GPR15: variants seen among roughly 807,000 people sequenced by gnomAD.
The protein encoded by GPR15 is brother of Bonzo.
Under a neutral mutation model 19.3 loss-of-function variants are expected in GPR15, and 16 were observed. The observed-to-expected ratio is 0.83, with a 90% confidence interval of 0.56 to 1.26. The LOEUF is 1.26. GPR15 is among the 50% of genes most tolerant of loss of function. The probability of loss-of-function intolerance (pLI) is 0.00; values close to 1 mark genes in which losing one functional copy is unlikely to be tolerated. For synonymous variants in GPR15, 170 were observed against 171.2 expected, an observed-to-expected ratio of 0.99 and a Z score of 0.05; for missense variants, 458 against 429.4, an observed-to-expected ratio of 1.07 and a Z score of -0.59.
rs1202608276 is a variant in GPR15, at chr3:98,533,626, G to T, written c.*510G>T. Among the ~76,000 whole-genome samples the T allele has an allele frequency of 2.6e-5, 4 of 152,138 alleles. No homozygotes were observed. Among genetic ancestry groups the T allele is most frequent in the African/African-American group, 7.2e-5 (3 of 41,430 alleles). ...TTTCTGAGTTACTAAGCTAGATTCTGACCTCAATCTTTAAAGCTTTGTATC... is the reference window on the plus strand; with the variant it reads ...TTTCTGAGTTACTAAGCTAGATTCTTACCTCAATCTTTAAAGCTTTGTATC... On this transcript the variant is annotated 3_prime_UTR_variant, in exon 1 of 1. Coordinates refer to ENST00000284311, the MANE Select transcript of GPR15 (RefSeq NM_005290.4).
At position 98,532,537 on chromosome 3, in the gene GPR15, T is replaced by C. The variant is rs1259372588; in HGVS notation, c.504T>C (p.Thr168=). 1 of 1,614,202 alleles carries C rather than the reference T, an allele frequency of 6.2e-7. No individual in the cohort carries two copies. Among genetic ancestry groups the C allele is most frequent in the Non-Finnish European group, 8.5e-7 (1 of 1,180,040 alleles). Residue 168 remains threonine (T), a synonymous_variant, in exon 1 of 1, where the codon ACT becomes ACC. Coordinates refer to ENST00000284311, the MANE Select transcript of GPR15 (RefSeq NM_005290.4). ...TCTCCTGCCTGCTGGGGTTGCCTAC[T>C]CTTCTGTCCAGGGAGCTCACGCTGA... is the stretch of plus-strand genomic sequence containing the variant. ...WFISCLLGLP[T]LLSRELTLID...
At position 98,533,211 on chromosome 3, in the gene GPR15, C is replaced by A; in HGVS notation, c.*95C>A. On this transcript the variant is annotated 3_prime_UTR_variant, in exon 1 of 1. Coordinates refer to ENST00000284311, the MANE Select transcript of GPR15 (RefSeq NM_005290.4). ...AGTGTTAATGATAGGATTCACATTG[C>A]TTCATAGATGCAAGGAAGAGTTCAT... The A allele has an allele frequency of 7.7e-7, 1 of 1,299,628 alleles. No homozygotes were observed. Among genetic ancestry groups the A allele is most frequent in the Non-Finnish European group, 1.0e-6 (1 of 956,290 alleles). 80.5% of individuals were successfully genotyped at this position (1,299,628 alleles called of 1,614,324 possible). A position where few individuals can be genotyped will look rare whatever the true frequency, so the allele number is the denominator to read the frequency against.
In GPR15 at chr3:98,532,219, C is replaced by T. The variant is rs1367959322; in HGVS notation, c.186C>T (p.Pro62=). The change falls in exon 1 of 1, where the codon CCC becomes CCT. Residue 62 remains proline, a synonymous_variant. Transcript: ENST00000284311. Reference sequence around the variant, plus strand: ...TCATGGGAGCGTTGCATTTCAAACCCGGCAGCCGAAGACTGATCGACATCT... The same window carrying T: ...TCATGGGAGCGTTGCATTTCAAACCTGGCAGCCGAAGACTGATCGACATCT... ...LVLMGALHFK[P]GSRRLIDIFI... 38 of 1,614,028 alleles carry T rather than the reference C, an allele frequency of 2.4e-5. No individual in the cohort carries two copies. Among genetic ancestry groups the T allele is most frequent in the Admixed American group, 1.3e-4 (8 of 59,996 alleles).
chr3:98,532,170 C>G lies in GPR15; in HGVS notation c.137C>G (p.Thr46Ser). Residue 46 changes from threonine to serine, a missense_variant, in exon 1 of 1, where the codon ACT becomes AGT. Physicochemically the swap from Thr to Ser is moderately conservative, Grantham distance 58. Coordinates refer to ENST00000284311, the MANE Select transcript of GPR15 (RefSeq NM_005290.4). ...GTCTTTTACACAGCTGTGTTCCTGACTGGAGTGCTGGGGAACCTTGTTCTC... is the reference window on the plus strand; with the variant it reads ...GTCTTTTACACAGCTGTGTTCCTGAGTGGAGTGCTGGGGAACCTTGTTCTC... ...LPVFYTAVFL[T>S]GVLGNLVLMG... 1 of 1,614,192 alleles carries G rather than the reference C, an allele frequency of 6.2e-7. No homozygotes were observed. The highest frequency in any genetic ancestry group is 8.5e-7 in the Non-Finnish European group (1 of 1,180,038).
Position 98,532,596 on chromosome 3 carries a change from C to T in GPR15, c.563C>T (p.Ala188Val). Residue 188 changes from alanine (A) to valine (V), a missense_variant, in exon 1 of 1, where the codon GCA (alanine) becomes GTA (valine). Physicochemically the swap from Ala to Val is moderately conservative, Grantham distance 64 (BLOSUM62 0). Coordinates refer to ENST00000284311, the MANE Select transcript of GPR15 (RefSeq NM_005290.4). The stretch of plus-strand genomic sequence containing the variant: ...AAGCCATACTGTGCAGAGAAAAAGG[C>T]AACTCCAATTAAACTCATATGGTCC... Reference protein sequence around the residue: ...DDKPYCAEKKATPIKLIWSLV... With the variant: ...DDKPYCAEKKVTPIKLIWSLV... 6.2e-7 allele frequency: 1 copy of T among 1,614,174 alleles called. No homozygotes were observed. The highest frequency in any genetic ancestry group is 1.3e-5 in the African/African-American group (1 of 75,032).
Position 98,533,809 on chromosome 3 carries a change from T to C in GPR15, c.*693T>C, listed in dbSNP as rs1576281963. On this transcript the variant is annotated 3_prime_UTR_variant, in exon 1 of 1. Coordinates refer to ENST00000284311, the MANE Select transcript of GPR15 (RefSeq NM_005290.4). The stretch of plus-strand genomic sequence containing the variant: ...TCTAGTATTTTAATACATAAGCATA[T>C]GGCAGGATTCAACATCTATTTGCTT... Among the ~76,000 whole-genome samples, 1 of 152,208 alleles carries C rather than the reference T, an allele frequency of 6.6e-6. No homozygotes were observed. Among genetic ancestry groups the C allele is most frequent in the Non-Finnish European group, 1.5e-5 (1 of 68,022 alleles).
In GPR15 at chr3:98,532,115, C is replaced by T; in HGVS notation, c.82C>T (p.His28Tyr). ...PNSDIRETHS[H>Y]VPYTSVFLPV... is the part of the protein sequence containing the mutation. ...CTCTGACATCAGGGAGACCCACTCC[C>T]ATGTTCCTTACACCTCTGTCTTCCT... Residue 28 changes from histidine (H) to tyrosine (Y), a missense_variant, in exon 1 of 1, where the codon CAT becomes TAT. Coordinates refer to ENST00000284311, the MANE Select transcript of GPR15 (RefSeq NM_005290.4). 6 of 1,614,158 alleles carry T rather than the reference C, an allele frequency of 3.7e-6. No homozygotes were observed. Among genetic ancestry groups the T allele is most frequent in the Non-Finnish European group, 5.1e-6 (6 of 1,180,006 alleles).
rs529663103 is a variant in GPR15 at position 98,534,520 on chromosome 3, T to C, written c.*1404T>C. Among the ~76,000 whole-genome samples the C allele has an allele frequency of 3.3e-5, 5 of 152,334 alleles. No individual in the cohort carries two copies. The highest frequency in any genetic ancestry group is 7.2e-5 in the African/African-American group (3 of 41,580). The stretch of plus-strand genomic sequence containing the variant: ...TCCTTTCAAAGACTAGCCAATTTAA[T>C]TTCATCTCATGTATCTTTCACATGA... On this transcript the variant is annotated 3_prime_UTR_variant, in exon 1 of 1. Transcript: ENST00000284311.
Position 98,532,351 on chromosome 3 carries a change from C to T in GPR15, c.318C>T (p.Cys106=). 1 of 1,614,160 alleles carries T rather than the reference C, an allele frequency of 6.2e-7. No individual in the cohort carries two copies. Among genetic ancestry groups the T allele is most frequent in the Non-Finnish European group, 8.5e-7 (1 of 1,180,030 alleles). ...TGTGGAGGACGGGCTCCTTCCTGTG[C>T]AAAGGGAGCTCCTACATGATCTCCG... ...LGLWRTGSFL[C]KGSSYMISVN... Residue 106 remains cysteine (C), a synonymous_variant, in exon 1 of 1, where the codon TGC becomes TGT. Coordinates refer to ENST00000284311, the MANE Select transcript of GPR15 (RefSeq NM_005290.4).
At position 98,534,104 on chromosome 3, in the gene GPR15, A is replaced by G. The variant is rs1037286595; in HGVS notation, c.*988A>G. ...AATGTTAGTGCTACACATTCCCTAT[A>G]GTATCATTTGCTTGGTGCCTATAAT... On this transcript the variant is annotated 3_prime_UTR_variant, in exon 1 of 1. Transcript: ENST00000284311. 2.6e-5 allele frequency among the ~76,000 whole-genome samples: 4 copies of G among 152,132 alleles called. No individual in the cohort carries two copies. The highest frequency in any genetic ancestry group is 7.2e-5 in the African/African-American group (3 of 41,408).
Position 98,532,726 on chromosome 3 carries a change from G to T in GPR15, c.693G>T (p.Lys231Asn). The stretch of plus-strand genomic sequence containing the variant: ...GTGCCCATTACCAGCAATCAGGAAA[G>T]CACAACAAAAAGCTGAAGAAATCTA... ...KLCAHYQQSGKHNKKLKKSIK... is the reference protein window; with the variant it reads ...KLCAHYQQSGNHNKKLKKSIK... Residue 231 changes from lysine (K) to asparagine (N), a missense_variant, in exon 1 of 1, where the codon AAG (lysine) becomes AAT (asparagine). Coordinates refer to ENST00000284311, the MANE Select transcript of GPR15 (RefSeq NM_005290.4). 2 of 1,613,986 alleles carry T rather than the reference G, an allele frequency of 1.2e-6. No individual in the cohort carries two copies. Among genetic ancestry groups the T allele is most frequent in the Non-Finnish European group, 8.5e-7 (1 of 1,179,922 alleles).
chr3:98,533,940 T>C lies in GPR15; in HGVS notation c.*824T>C, dbSNP rs535222123. Among the ~76,000 whole-genome samples the C allele has an allele frequency of 6.6e-6, 1 of 152,358 alleles. No homozygotes were observed. Among genetic ancestry groups the C allele is most frequent in the Admixed American group, 6.5e-5 (1 of 15,312 alleles). ...TTTCCATTGGCTTTATAAATTAGGA[T>C]TTGACTTTGCTTTAATTACATGTTT... On this transcript the variant is annotated 3_prime_UTR_variant, in exon 1 of 1. Coordinates refer to ENST00000284311, the MANE Select transcript of GPR15 (RefSeq NM_005290.4).
rs1239118380 is a variant in GPR15, at chr3:98,533,017, T to C, written c.984T>C (p.Ser328=). The C allele has an allele frequency of 6.2e-7, 1 of 1,613,880 alleles. No homozygotes were observed. Among genetic ancestry groups the C allele is most frequent in the African/African-American group, 1.3e-5 (1 of 74,942 alleles). Residue 328 remains serine (S), a synonymous_variant, in exon 1 of 1, where the codon AGT becomes AGC. Transcript: ENST00000284311. ...GCCTGAAAAACTATGACTTTGGGAG[T>C]AGCACTGAGACATCAGATAGTCACC... ...CPCLKNYDFG[S]STETSDSHLT... is the part of the protein sequence containing the mutation.
Position 98,533,126 on chromosome 3 carries a change from T to G in GPR15, c.*10T>G. 1.3e-6 allele frequency: 2 copies of G among 1,587,464 alleles called. No individual in the cohort carries two copies. Among genetic ancestry groups the G allele is most frequent in the Non-Finnish European group, 1.7e-6 (2 of 1,170,236 alleles). On this transcript the variant is annotated 3_prime_UTR_variant, in exon 1 of 1. Coordinates refer to ENST00000284311, the MANE Select transcript of GPR15 (RefSeq NM_005290.4). Reference sequence around the variant, plus strand: ...GTCTGTGTCACTCTAAAGGGAACTGTGACATTTCAAGCTCTGTTGGTGGGT... The same window carrying G: ...GTCTGTGTCACTCTAAAGGGAACTGGGACATTTCAAGCTCTGTTGGTGGGT...
At position 98,532,616 on chromosome 3, in the gene GPR15, T is replaced by G; in HGVS notation, c.583T>G (p.Trp195Gly). 1 of 1,614,224 alleles carries G rather than the reference T, an allele frequency of 6.2e-7. No individual in the cohort carries two copies. The highest frequency in any genetic ancestry group is 8.5e-7 in the Non-Finnish European group (1 of 1,180,046). The change falls in exon 1 of 1, where the codon TGG becomes GGG. Residue 195 changes from tryptophan to glycine, a missense_variant. Coordinates refer to ENST00000284311, the MANE Select transcript of GPR15 (RefSeq NM_005290.4). ...EKKATPIKLIWSLVALIFTFF... is the reference protein window; with the variant it reads ...EKKATPIKLIGSLVALIFTFF... ...AAAGGCAACTCCAATTAAACTCATATGGTCCCTGGTGGCCTTAATTTTCAC... is the reference window on the plus strand; with the variant it reads ...AAAGGCAACTCCAATTAAACTCATAGGGTCCCTGGTGGCCTTAATTTTCAC...
chr3:98,532,465 C>A lies in GPR15; in HGVS notation c.432C>A (p.Phe144Leu), dbSNP rs761210773. The change falls in exon 1 of 1, where the codon TTC becomes TTA. Residue 144 changes from phenylalanine to leucine, a missense_variant. Phe to Leu is a conservative substitution (Grantham distance 22). Coordinates refer to ENST00000284311, the MANE Select transcript of GPR15 (RefSeq NM_005290.4). ...AIVWPVVSRKFRRTDCAYVVC... is the reference protein window; with the variant it reads ...AIVWPVVSRKLRRTDCAYVVC... ...TGTGGCCAGTCGTATCCAGGAAATT[C>A]AGAAGGACAGACTGTGCATATGTAG... is the stretch of plus-strand genomic sequence containing the variant. 1 of 1,614,142 alleles carries A rather than the reference C, an allele frequency of 6.2e-7. No individual in the cohort carries two copies. Among genetic ancestry groups the A allele is most frequent in the South Asian group, 1.1e-5 (1 of 91,072 alleles).
Position 98,532,828 on chromosome 3 carries a change from T to A in GPR15, c.795T>A (p.Ile265=). 1.2e-6 allele frequency: 2 copies of A among 1,614,036 alleles called. No homozygotes were observed. The highest frequency in any genetic ancestry group is 1.7e-6 in the Non-Finnish European group (2 of 1,179,914). The change falls in exon 1 of 1, where the codon ATT becomes ATA. Residue 265 remains isoleucine (I), a synonymous_variant. Coordinates refer to ENST00000284311, the MANE Select transcript of GPR15 (RefSeq NM_005290.4). ...TCAATACTTTCAAGTTCCTGGCCAT[T>A]GTCTCTGGGTTGCGGCAAGAACACT... The part of the protein sequence containing the change: ...LPFNTFKFLA[I]VSGLRQEHYL...
In GPR15 at chr3:98,533,163, T is replaced by C. The variant is rs757406866; in HGVS notation, c.*47T>C. On this transcript the variant is annotated 3_prime_UTR_variant, in exon 1 of 1. Coordinates refer to ENST00000284311, the MANE Select transcript of GPR15 (RefSeq NM_005290.4). ...CTCTGTTGGTGGGTTTAGGAGTTAA[T>C]TTTTGTCAGCAACAAAGAAGGAAGT... 6.6e-7 allele frequency: 1 copy of C among 1,518,328 alleles called. No homozygotes were observed. Among genetic ancestry groups the C allele is most frequent in the East Asian group, 2.3e-5 (1 of 44,050 alleles). 94.1% of individuals were successfully genotyped at this position (1,518,328 alleles called of 1,614,324 possible).
rs1706665682 is a variant in GPR15 at position 98,533,053 on chromosome 3, T to G, written c.1020T>G (p.Ala340=). ...CATCAGATAGTCACCTCACTAAGGC[T>G]CTCTCCACCTTCATTCATGCAGAAG... The part of the protein sequence containing the change: ...TETSDSHLTK[A]LSTFIHAEDF... Residue 340 remains alanine, a synonymous_variant, in exon 1 of 1, where the codon GCT becomes GCG. Transcript: ENST00000284311. The G allele has an allele frequency of 6.2e-7, 1 of 1,613,730 alleles. No individual in the cohort carries two copies. Among genetic ancestry groups the G allele is most frequent in the Non-Finnish European group, 8.5e-7 (1 of 1,179,962 alleles).
Sources: allele counts gnomAD v4.1 joint callset (sites outside exome capture counted in the v4.1 genomes callset), GRCh38; gene constraint gnomAD v4.1.1; transcripts MANE v1.5; gene names NCBI Gene and HGNC (gene_info 2026-07-23, HGNC 2026-07-21).